Variants in ESR2 observed in about 807,000 individuals in gnomAD.
ESR2 encodes the protein estrogen receptor beta.
Under a neutral mutation model 49.6 loss-of-function variants are expected in ESR2, and 36 were observed. The ratio of observed to expected loss-of-function variants is 0.73; its 90% confidence interval spans 0.56 to 0.96. The LOEUF (loss-of-function observed/expected upper bound fraction) is 0.96. Ranked by LOEUF, ESR2 falls within the 40% of genes least tolerant of loss-of-function variation. The probability of loss-of-function intolerance (pLI) is 0.00; values close to 1 mark genes in which losing one functional copy is unlikely to be tolerated. For synonymous variants in ESR2, 320 were observed against 266.1 expected (o/e 1.20, Z -1.97); for missense variants, 714 against 693.0 (o/e 1.03, Z -0.34).
At chr14:64,255,309 C>T (rs1182462567) in intron 6 of ESR2, among the ~76,000 whole-genome samples, 4 of 151,504 alleles carry the variant, frequency 2.6e-5, no homozygotes, top group South Asian at 2.1e-4. Context: ...TATATTTGGC[C>T]CCAGTTAAAA....
rs2077062695 is a variant in ESR2 at position 64,304,271 on chromosome 14, C to CA, written c.-90-21197_-90-21196insT. Among the ~76,000 whole-genome samples, 5 of 152,250 alleles carry CA rather than the reference C, an allele frequency of 3.3e-5. No individual in the cohort carries two copies. In the South Asian group the frequency reaches 1.0e-3, roughly 32 times the overall value. On this transcript the variant is annotated intron_variant, in intron 1 of 8. Transcript: ENST00000358599. Reference sequence around the variant, plus strand: ...TGCAGTGAGCTATGACTGCCACTGCCCTGCAGCCTGGGCGACAGAGCAAGA... The same window carrying CA: ...TGCAGTGAGCTATGACTGCCACTGCCACTGCAGCCTGGGCGACAGAGCAAGA...
In ESR2 at chr14:64,260,588, G is replaced by T. The variant is rs1035153794; in HGVS notation, c.813C>A (p.Thr271=). 1.9e-6 allele frequency: 3 copies of T among 1,609,328 alleles called. No homozygotes were observed. The highest frequency in any genetic ancestry group is 2.5e-6 in the Non-Finnish European group (3 of 1,177,374). Residue 271 remains threonine (T), a synonymous_variant, in exon 5 of 9, where the codon ACC becomes ACA. Coordinates refer to ENST00000341099, the MANE Select transcript of ESR2 (RefSeq NM_001437.3). ...CATGGGGCGGCTCAGCCTCCAGGAGGGTGAGCACTAGCTGCTCGGGGCTCA... is the reference window on the plus strand; with the variant it reads ...CATGGGGCGGCTCAGCCTCCAGGAGTGTGAGCACTAGCTGCTCGGGGCTCA... ...DALSPEQLVL[T]LLEAEPPHVL...
At chr14:64,335,160 G>A (rs996132366) in intron 1 of ESR2, among the ~76,000 whole-genome samples, 2 of 152,172 alleles carry the variant, frequency 1.3e-5, no homozygotes, top group African/African-American at 4.8e-5. Flanking sequence ...GATAATAAGT[G>A]CTGTACATAG....
intron 1 of ESR2, among the ~76,000 whole-genome samples, chr14:64,314,222 G>C (rs1007607029): frequency 1.3e-5 from 2 of 151,422 alleles, no homozygotes; most frequent in Non-Finnish European, 2.9e-5. Context: ...ACAGATAACA[G>C]GAAAATCTCC....
chr14:64,275,540 T>C (rs541571710), intron 3 of ESR2, among the ~76,000 whole-genome samples: 1 of 152,120 alleles, frequency 6.6e-6, no homozygotes, highest in East Asian at 1.9e-4. Context: ...CCATCTCTAC[T>C]AAAAATACAA....
At position 64,253,634 on chromosome 14, in the gene ESR2, A is replaced by C. The variant is rs921588353; in HGVS notation, c.1091+3592T>G. ...TATGTGTGTGTATATATATATATAT[A>C]TCTCTGCTCGCAGCACACACCTGGG... is the stretch of plus-strand genomic sequence containing the variant. On this transcript the variant is annotated intron_variant, in intron 6 of 8. Coordinates refer to ENST00000341099, the MANE Select transcript of ESR2 (RefSeq NM_001437.3). 3.3e-3 allele frequency among the ~76,000 whole-genome samples: 486 copies of C among 148,904 alleles called. 3 individuals carry two copies. The highest frequency in any genetic ancestry group is 0.011 in the African/African-American group (449 of 39,738).
At chr14:64,325,418 T>G (rs1310669105) in intron 1 of ESR2, among the ~76,000 whole-genome samples, 1 of 152,176 alleles carries the variant, frequency 6.6e-6, no homozygotes, top group Non-Finnish European at 1.5e-5. Context: ...ATGAGCAGCA[T>G]AGACTGGATC....
At chr14:64,250,570 G>A (rs1262185477) in intron 6 of ESR2, among the ~76,000 whole-genome samples, 1 of 152,184 alleles carries the variant, frequency 6.6e-6, no homozygotes, top group Non-Finnish European at 1.5e-5. Context: ...CAAGCAGTTA[G>A]ATGATTTTGT....
Position 64,284,850 on chromosome 14 carries a change from C to CTT in ESR2, c.-90-1777_-90-1776dup, listed in dbSNP as rs780694583. 3.6e-3 allele frequency among the ~76,000 whole-genome samples: 504 copies of CTT among 139,602 alleles called. 8 individuals are homozygous for CTT. The highest frequency in any genetic ancestry group is 0.013 in the African/African-American group (475 of 37,490). The allele number at this position is 139,602 out of a possible 152,430, so 91.6% of individuals were successfully genotyped here. On this transcript the variant is annotated intron_variant, in intron 1 of 8. Transcript: ENST00000341099. ...GAAGTAAGCTCTCATTATCGCATTACTTTTTTTTTTTTTTTTTGAGACGGA... is the reference window on the plus strand; with the variant it reads ...GAAGTAAGCTCTCATTATCGCATTACTTTTTTTTTTTTTTTTTTTGAGACGGA...
intron 1 of ESR2, among the ~76,000 whole-genome samples, chr14:64,300,798 T>C (rs1000047363): frequency 1.5e-4 from 23 of 152,238 alleles, no homozygotes; most frequent in Middle Eastern, 3.4e-3. Flanking sequence ...ATTTATTCTT[T>C]CATAAAACAC....
In ESR2 at chr14:64,260,620, C is replaced by G; in HGVS notation, c.781G>C (p.Asp261His). Reference sequence around the variant, plus strand: ...ACTAGCTGCTCGGGGCTCAGGGCGTCCAGCAGCAGCTCCCGCACTCGGGGC... The same window carrying G: ...ACTAGCTGCTCGGGGCTCAGGGCGTGCAGCAGCAGCTCCCGCACTCGGGGC... ...HAPRVRELLL[D>H]ALSPEQLVLT... Residue 261 changes from aspartate to histidine, a missense_variant, in exon 5 of 9, where the codon GAC becomes CAC. Physicochemically the swap from Asp to His is moderately conservative, Grantham distance 81. Transcript: ENST00000341099. The G allele has an allele frequency of 6.2e-7, 1 of 1,610,820 alleles. No homozygotes were observed. The highest frequency in any genetic ancestry group is 1.7e-5 in the Admixed American group (1 of 59,666).
chr14:64,304,621 C>T (rs558755154), intron 1 of ESR2, among the ~76,000 whole-genome samples: 7 of 152,250 alleles, frequency 4.6e-5, no homozygotes, highest in African/African-American at 1.4e-4. Flanking sequence ...TAACCTCCAA[C>T]GCTTTGGGAG....
At chr14:64,326,592 T>C (rs2077393182) in intron 1 of ESR2, among the ~76,000 whole-genome samples, 2 of 152,188 alleles carry the variant, frequency 1.3e-5, no homozygotes, top group Admixed American at 1.3e-4. Flanking sequence ...CAAAAGTCAA[T>C]GAATGCTCAA....
At position 64,282,657 on chromosome 14, in the gene ESR2, G is replaced by C. The variant is rs2076698523; in HGVS notation, c.329C>G (p.Ala110Gly). 2 of 1,609,360 alleles carry C rather than the reference G, an allele frequency of 1.2e-6. No individual in the cohort carries two copies. The highest frequency in any genetic ancestry group is 1.3e-5 in the African/African-American group (1 of 74,968). ...AEPQKSPWCE[A>G]RSLEHTLPVN... The stretch of plus-strand genomic sequence containing the variant: ...AGGTAAGGTGTGTTCTAGCGATCTT[G>C]CTTCACACCAGGGACTCTTTTGAGG... The change falls in exon 2 of 9, where the codon GCA (alanine) becomes GGA (glycine). Residue 110 changes from alanine (A) to glycine (G), a missense_variant. By Grantham distance (60) the Ala-to-Gly change is moderately conservative. Transcript: ENST00000341099.
At chr14:64,270,345 G>A (rs2076416063) in intron 3 of ESR2, among the ~76,000 whole-genome samples, 1 of 152,188 alleles carries the variant, frequency 6.6e-6, no homozygotes, top group Admixed American at 6.5e-5. Flanking sequence ...CACCTCTGCA[G>A]GGAGGGAAGT....
chr14:64,282,103 G>A (rs2076681593), intron 2 of ESR2, among the ~76,000 whole-genome samples: 1 of 152,176 alleles, frequency 6.6e-6, no homozygotes, highest in Non-Finnish European at 1.5e-5. Context: ...CAGCACTTTG[G>A]GAGGCCAAGG....
intron 8 of ESR2, 47 bp downstream of exon 8, chr14:64,234,923 A>G (rs2098730986): frequency 6.3e-7 from 1 of 1,598,724 alleles, no homozygotes; most frequent in Non-Finnish European, 8.6e-7. Flanking sequence ...CGTGGAGCAC[A>G]TAATCCCATC....
chr14:64,317,619 T>A (rs915018421), intron 1 of ESR2, among the ~76,000 whole-genome samples: 4 of 152,188 alleles, frequency 2.6e-5, no homozygotes, highest in African/African-American at 9.6e-5. Flanking sequence ...CTTCCAACAA[T>A]GGAGATTACA....
At chr14:64,302,160 T>TTTTATTTA (rs80326062) in intron 1 of ESR2, among the ~76,000 whole-genome samples, 27,299 of 138,070 alleles carry the variant, frequency 0.2, 2,922 homozygotes, top group East Asian at 0.36. Context: ...TATTTTTTAT[T>TTTTATTTA]TTTATTTATT....
Sources: gnomAD v4.1 joint callset for allele counts (sites outside exome capture counted in the v4.1 genomes callset) on GRCh38, gnomAD v4.1.1 for gene constraint, MANE v1.5 for transcripts, NCBI Gene and HGNC (gene_info 2026-07-23, HGNC 2026-07-21) for gene names.